The following COG5 variants were observed in gnomAD, a reference collection of about 807,000 sequenced individuals.
The protein encoded by COG5 is conserved oligomeric Golgi complex subunit 5.
In COG5, 86 loss-of-function variants were observed where a neutral mutation model predicts 110.4. The ratio of observed to expected loss-of-function variants is 0.78; its 90% confidence interval spans 0.65 to 0.93. The LOEUF is 0.93. COG5 is among the 40% of genes least tolerant of loss of function. COG5 has a pLI of 0.00. For synonymous variants in COG5, 360 were observed against 334.6 expected, an observed-to-expected ratio of 1.08 and a Z score of -0.83; for missense variants, 1,077 against 987.0, an observed-to-expected ratio of 1.09 and a Z score of -1.22.
intron 12 of COG5, among the ~76,000 whole-genome samples, chr7:107,290,516 T>C (rs918302157): frequency 1.3e-5 from 2 of 152,252 alleles, no homozygotes; most frequent in Non-Finnish European, 2.9e-5. Flanking sequence ...TATAATTTCA[T>C]AATTACCTTT....
At chr7:107,370,685 C>T (rs1814064209) in intron 8 of COG5, among the ~76,000 whole-genome samples, 1 of 150,426 alleles carries the variant, frequency 6.6e-6, no homozygotes, top group African/African-American at 2.4e-5. Context: ...ATTCAGGAGG[C>T]TGAGACAGGC....
intron 10 of COG5, among the ~76,000 whole-genome samples, chr7:107,347,075 G>C (rs568722152): frequency 9.2e-5 from 14 of 152,230 alleles, no homozygotes; most frequent in East Asian, 7.7e-4. Context: ...CCCAAGCAAT[G>C]ATTGCATCAA....
In COG5 at chr7:107,301,868, C is replaced by CA. The variant is rs34599657; in HGVS notation, c.1109-3523dup. 3.5e-3 allele frequency among the ~76,000 whole-genome samples: 508 copies of CA among 144,900 alleles called. 2 individuals carry two copies. Among genetic ancestry groups the CA allele is most frequent in the Middle Eastern group, 0.014 (4 of 282 alleles). On this transcript the variant is annotated intron_variant, in intron 11 of 21. Transcript: ENST00000297135. ...TGGGCAACATAGTGAGACTCTGCCT[C>CA]AAAAAAAAAATGACCATATCAAATA...
intron 6 of COG5, among the ~76,000 whole-genome samples, chr7:107,500,632 A>C (rs1290896018): frequency 6.6e-6 from 1 of 152,212 alleles, no homozygotes; most frequent in African/African-American, 2.4e-5. Flanking sequence ...ATAATTAATA[A>C]GGAAATAATA....
chr7:107,312,060 C>T (rs1342272350), intron 11 of COG5, among the ~76,000 whole-genome samples: 2 of 151,724 alleles, frequency 1.3e-5, no homozygotes, highest in Non-Finnish European at 2.9e-5. Flanking sequence ...GCTTCCCATC[C>T]TATAATAATC....
At chr7:107,556,621 T>C (rs1208854073) in intron 2 of COG5, among the ~76,000 whole-genome samples, 1 of 152,156 alleles carries the variant, frequency 6.6e-6, no homozygotes, top group East Asian at 1.9e-4. Context: ...ACTTACACTG[T>C]TCTATTTAAA....
intron 7 of COG5, among the ~76,000 whole-genome samples, chr7:107,409,579 A>G (rs534854885): frequency 6.6e-6 from 1 of 152,354 alleles, no homozygotes; most frequent in African/African-American, 2.4e-5. Flanking sequence ...GTAAACAGTT[A>G]ACATTGAAGA....
chr7:107,357,331 C>T (rs1189582363), intron 10 of COG5, among the ~76,000 whole-genome samples: 1 of 152,066 alleles, frequency 6.6e-6, no homozygotes, highest in African/African-American at 2.4e-5. Context: ...AGGGAAACGT[C>T]ATTTTGGACT....
chr7:107,539,946 C>T (rs1331289141), intron 5 of COG5, among the ~76,000 whole-genome samples: 1 of 152,104 alleles, frequency 6.6e-6, no homozygotes, highest in African/African-American at 2.4e-5. Flanking sequence ...CTCAGATTAC[C>T]ACTGGGAGAC....
chr7:107,291,372 A>AT (rs748491870), intron 12 of COG5, among the ~76,000 whole-genome samples: 2 of 152,200 alleles, frequency 1.3e-5, no homozygotes, highest in Non-Finnish European at 2.9e-5. Context: ...CACCACAACC[A>AT]GCCAAAACTG....
chr7:107,317,781 T>C (rs1459769548), intron 11 of COG5, among the ~76,000 whole-genome samples: 1 of 152,180 alleles, frequency 6.6e-6, no homozygotes, highest in Non-Finnish European at 1.5e-5. Context: ...TCAGGTCTGA[T>C]GGAAAGAAAA....
chr7:107,379,222 G>C (rs570153715), intron 7 of COG5, among the ~76,000 whole-genome samples: 1 of 152,172 alleles, frequency 6.6e-6, no homozygotes, highest in Non-Finnish European at 1.5e-5. Flanking sequence ...AGCAAATGCT[G>C]AGAGATTTTG....
At chr7:107,558,225 G>A in intron 1 of COG5, 110 bp from the exon 2 acceptor site, 2 of 1,058,464 alleles carry the variant, frequency 1.9e-6, no homozygotes, top group Non-Finnish European at 2.8e-6. Flanking sequence ...CCCATACTCT[G>A]AACCACTCCA....
chr7:107,330,885 C>T (rs576407719), intron 10 of COG5, among the ~76,000 whole-genome samples: 65 of 146,188 alleles, frequency 4.4e-4, no homozygotes, highest in African/African-American at 1.1e-3. Context: ...TGCAGTGGTG[C>T]GATCTCAGCT....
chr7:107,451,756 ATTTTC>A (rs1222300721), intron 6 of COG5, among the ~76,000 whole-genome samples: 1 of 152,060 alleles, frequency 6.6e-6, no homozygotes, highest in Non-Finnish European at 1.5e-5. Flanking sequence ...TCTTAATAAC[ATTTTC>A]TTTTCTCTAG....
chr7:107,357,836 T>C (rs1812765893), intron 10 of COG5, among the ~76,000 whole-genome samples: 2 of 152,138 alleles, frequency 1.3e-5, no homozygotes. Context: ...TCCTGGCTAA[T>C]TGTTTTAGTT....
intron 11 of COG5, among the ~76,000 whole-genome samples, chr7:107,304,968 C>T (rs10255231): frequency 0.014 from 2,171 of 152,224 alleles, 55 homozygotes; most frequent in African/African-American, 0.05. Context: ...AGAGATTATA[C>T]TCGAGTGAAG....
intron 14 of COG5, among the ~76,000 whole-genome samples, chr7:107,263,816 A>G (rs1803574561): frequency 6.6e-6 from 1 of 152,222 alleles, no homozygotes; most frequent in Admixed American, 6.5e-5. Context: ...AATAAACTAC[A>G]TAGCTATAAT....
At chr7:107,266,006 T>A (rs911555228) in intron 14 of COG5, among the ~76,000 whole-genome samples, 1 of 152,072 alleles carries the variant, frequency 6.6e-6, no homozygotes, top group Non-Finnish European at 1.5e-5. Flanking sequence ...GAGCTGTGAC[T>A]GTATCACTGC....
Sources: gnomAD v4.1 joint callset for allele counts (sites outside exome capture counted in the v4.1 genomes callset) on GRCh38, gnomAD v4.1.1 for gene constraint, MANE v1.5 for transcripts, NCBI Gene and HGNC (gene_info 2026-07-23, HGNC 2026-07-21) for gene names.